The following CHSY3 variants were observed in gnomAD, a reference collection of about 807,000 sequenced individuals.
CHSY3 encodes N-acetylgalactosaminyl-proteoglycan 3-beta-glucuronosyltransferase 3.
Under a neutral mutation model 67.2 loss-of-function variants are expected in CHSY3, and 35 were observed. That is an observed-to-expected ratio of 0.52 (90% CI 0.40 to 0.69). The LOEUF (loss-of-function observed/expected upper bound fraction) is 0.69, where lower values mean the gene tolerates loss of function less well. Ranked by LOEUF, CHSY3 falls within the 30% of genes least tolerant of loss-of-function variation. The pLI is 0.00. For synonymous variants in CHSY3, 474 were observed against 434.7 expected (o/e 1.09, Z -1.12); for missense variants, 1,069 against 1,138.5 (o/e 0.94, Z 0.88).
rs1429363118 is a variant in CHSY3 at position 130,184,618 on chromosome 5, A to T, written c.1476A>T (p.Arg492Ser). The T allele has an allele frequency of 6.2e-7, 1 of 1,609,426 alleles. No homozygotes were observed. The highest frequency in any genetic ancestry group is 8.5e-7 in the Non-Finnish European group (1 of 1,175,804). ...PPRQSLSSIL[R>S]TALDDTVLQV... ...GACAGAGCCTCAGTAGCATTTTAAG[A>T]ACAGCACTGGATGATACCGTCCTAC... Residue 492 changes from arginine (R) to serine (S), a missense_variant, in exon 3 of 3, where the codon AGA (arginine) becomes AGT (serine). Transcript: ENST00000305031.
In CHSY3 at chr5:129,954,590, A is replaced by C. The variant is rs1371104773; in HGVS notation, c.1086+46230A>C. Among the ~76,000 whole-genome samples the C allele has an allele frequency of 3.9e-5, 6 of 151,916 alleles. No individual in the cohort carries two copies. In the East Asian group the frequency reaches 1.2e-3, roughly 29 times the overall value. ...CTTTGGTCCGTATGGCCATTTTCAC[A>C]ATATTGATTCTTCCTATCCATGAGC... is the stretch of plus-strand genomic sequence containing the variant. On this transcript the variant is annotated intron_variant, in intron 2 of 2. Transcript: ENST00000305031.
chr5:130,050,306 C>G (rs1340052165), intron 2 of CHSY3, among the ~76,000 whole-genome samples: 1 of 152,008 alleles, frequency 6.6e-6, no homozygotes, highest in East Asian at 1.9e-4. Flanking sequence ...TTATCTTTAC[C>G]TGTTCAAAAA....
chr5:129,936,801 A>G (rs751826235), intron 2 of CHSY3, among the ~76,000 whole-genome samples: 1 of 152,302 alleles, frequency 6.6e-6, no homozygotes, highest in African/African-American at 2.4e-5. Context: ...TTAAACTACC[A>G]TTCCCATTCA....
At chr5:130,140,423 A>G in intron 2 of CHSY3, 1 of 865,782 alleles carries the variant, frequency 1.2e-6, no homozygotes, top group Non-Finnish European at 1.8e-6. Flanking sequence ...GCAGAAACCT[A>G]CCTTGGAAAG....
chr5:130,177,506 A>G (rs756021461), intron 2 of CHSY3, among the ~76,000 whole-genome samples: 1 of 152,036 alleles, frequency 6.6e-6, no homozygotes, highest in African/African-American at 2.4e-5. Flanking sequence ...TTCTCCTAAC[A>G]CTTCATTGAT....
At chr5:129,933,765 C>A (rs1313570285) in intron 2 of CHSY3, among the ~76,000 whole-genome samples, 1 of 152,042 alleles carries the variant, frequency 6.6e-6, no homozygotes, top group East Asian at 1.9e-4. Flanking sequence ...TTGTATAATT[C>A]TATTCTTTCA....
chr5:130,160,947 C>T (rs535279333), intron 2 of CHSY3, among the ~76,000 whole-genome samples: 1 of 150,476 alleles, frequency 6.6e-6, no homozygotes, highest in African/African-American at 2.4e-5. Flanking sequence ...CTTTGTCGCC[C>T]AGGCTGGAGT....
intron 2 of CHSY3, among the ~76,000 whole-genome samples, chr5:130,007,106 A>G (rs917781384): frequency 2.0e-5 from 3 of 152,222 alleles, no homozygotes; most frequent in Non-Finnish European, 1.5e-5. Context: ...CTCTTAATGT[A>G]CATAAACAAA....
intron 2 of CHSY3, among the ~76,000 whole-genome samples, chr5:129,987,073 T>A: frequency 6.6e-6 from 1 of 152,354 alleles, no homozygotes. Context: ...AAATTTTGTT[T>A]CATTAAAGTT....
At chr5:130,076,743 T>C (rs1258887305) in intron 2 of CHSY3, among the ~76,000 whole-genome samples, 1 of 152,056 alleles carries the variant, frequency 6.6e-6, no homozygotes, top group Non-Finnish European at 1.5e-5. Context: ...ATGTAAACTT[T>C]TGGGAGTAAG....
At chr5:130,152,711 A>G (rs1769265009) in intron 2 of CHSY3, among the ~76,000 whole-genome samples, 1 of 152,252 alleles carries the variant, frequency 6.6e-6, no homozygotes, top group Non-Finnish European at 1.5e-5. Flanking sequence ...TGTTGTTAAA[A>G]GCTGTTTTGC....
intron 2 of CHSY3, among the ~76,000 whole-genome samples, chr5:130,072,681 C>G (rs1766115943): frequency 1.3e-5 from 2 of 151,946 alleles, no homozygotes; most frequent in Admixed American, 6.6e-5. Flanking sequence ...AGGATTTTTT[C>G]CTATTTATAT....
At chr5:130,172,128 T>A (rs561960589) in intron 2 of CHSY3, among the ~76,000 whole-genome samples, 3 of 150,992 alleles carry the variant, frequency 2.0e-5, no homozygotes, top group African/African-American at 7.3e-5. Flanking sequence ...AAGGCAACCA[T>A]TTTTTTTTCC....
intron 2 of CHSY3, among the ~76,000 whole-genome samples, chr5:130,178,464 G>C (rs1399810547): frequency 6.6e-6 from 1 of 151,432 alleles, no homozygotes; most frequent in Non-Finnish European, 1.5e-5. Context: ...GTGTTAGCCA[G>C]GATGGTCTCC....
chr5:129,960,475 T>G (rs1466116118), intron 2 of CHSY3, among the ~76,000 whole-genome samples: 2 of 152,062 alleles, frequency 1.3e-5, no homozygotes, highest in African/African-American at 4.8e-5. Context: ...TAAATTTTTA[T>G]CATTTAAAAA....
At chr5:130,131,557 A>C (rs188811344) in intron 2 of CHSY3, among the ~76,000 whole-genome samples, 3 of 152,196 alleles carry the variant, frequency 2.0e-5, no homozygotes, top group African/African-American at 7.2e-5. Context: ...TACTACTAAT[A>C]TAGTCATTGA....
At chr5:130,087,051 G>C (rs1020309490) in intron 2 of CHSY3, among the ~76,000 whole-genome samples, 5 of 152,266 alleles carry the variant, frequency 3.3e-5, no homozygotes, top group Admixed American at 6.5e-5. Context: ...TGGGATGCAA[G>C]GCTGTTTCAA....
intron 2 of CHSY3, among the ~76,000 whole-genome samples, chr5:130,028,315 T>C (rs1030586589): frequency 2.0e-5 from 3 of 152,074 alleles, no homozygotes; most frequent in African/African-American, 4.8e-5. Flanking sequence ...AACAGAGATA[T>C]AGACCAATGG....
chr5:130,070,536 G>A (rs537608585), intron 2 of CHSY3, among the ~76,000 whole-genome samples: 136 of 152,164 alleles, frequency 8.9e-4, no homozygotes, highest in Middle Eastern at 3.4e-3. Flanking sequence ...ATCTTCTTAA[G>A]TACAAATGTT....
Sources: allele counts gnomAD v4.1 joint callset (sites outside exome capture counted in the v4.1 genomes callset), GRCh38; gene constraint gnomAD v4.1.1; transcripts MANE v1.5; gene names NCBI Gene and HGNC (gene_info 2026-07-23, HGNC 2026-07-21).